METTL4: variants seen among roughly 807,000 people sequenced by gnomAD.
METTL4 encodes N(6)-adenine-specific methyltransferase METTL4.
METTL4 carries 40 observed loss-of-function variants against 54.0 expected under a neutral mutation model. That is an observed-to-expected ratio of 0.74 (90% CI 0.58 to 0.96). The LOEUF (loss-of-function observed/expected upper bound fraction) is 0.96. Ranked by LOEUF, METTL4 falls within the 50% of genes least tolerant of loss-of-function variation. The pLI is 0.00. For synonymous variants in METTL4, 169 were observed against 183.8 expected (o/e 0.92, Z 0.65); for missense variants, 525 against 549.0 (o/e 0.96, Z 0.44).
chr18:2,550,735 AAGAG>A, intron 5 of METTL4, among the ~76,000 whole-genome samples: 6 of 152,330 alleles, frequency 3.9e-5, no homozygotes, highest in Admixed American at 3.9e-4. Flanking sequence ...CAGTCAAAGA[AAGAG>A]AGTCAAAAGA....
chr18:2,568,940 A>T, intron 1 of METTL4: 4 of 227,192 alleles, frequency 1.8e-5, no homozygotes, highest in Admixed American at 1.6e-4. Context: ...CCTTTGTAAG[A>T]TGTGTAACAA....
At chr18:2,564,882 T>C (rs1273283037) in intron 2 of METTL4, among the ~76,000 whole-genome samples, 1 of 152,232 alleles carries the variant, frequency 6.6e-6, no homozygotes, top group African/African-American at 2.4e-5. Flanking sequence ...AGGCTTGTTA[T>C]TATCTGAATT....
Position 2,538,575 on chromosome 18 carries a change from A to C in METTL4, c.*425T>G, listed in dbSNP as rs2071943942. On this transcript the variant is annotated 3_prime_UTR_variant, in exon 9 of 9. Transcript: ENST00000574538. Reference sequence around the variant, plus strand: ...GGCCTCTGTGTAGCCAGAGCCTCTGATGTTTAAAAAGAAGCAGAAATCTGG... The same window carrying C: ...GGCCTCTGTGTAGCCAGAGCCTCTGCTGTTTAAAAAGAAGCAGAAATCTGG... The C allele has an allele frequency of 6.4e-6, 1 of 156,992 alleles. No individual in the cohort carries two copies. Among genetic ancestry groups the C allele is most frequent in the African/African-American group, 2.4e-5 (1 of 41,526 alleles). 9.7% of individuals were successfully genotyped at this position (156,992 alleles called of 1,614,324 possible).
chr18:2,566,853 T>C lies in METTL4; in HGVS notation c.364A>G (p.Lys122Glu). The change falls in exon 2 of 9, where the codon AAA becomes GAA. Residue 122 changes from lysine to glutamate, a missense_variant. Lys to Glu is a moderately conservative substitution (Grantham distance 56). Coordinates refer to ENST00000574538, the MANE Select transcript of METTL4 (RefSeq NM_022840.5). ...NEKEDLMNGV[K>E]KEISISIIGK... ...ATAATAGAAATGGAGATTTCTTTTTTAACACCATTCATCAGATCTTCCTTT... is the reference window on the plus strand; with the variant it reads ...ATAATAGAAATGGAGATTTCTTTTTCAACACCATTCATCAGATCTTCCTTT... The C allele has an allele frequency of 1.3e-6, 2 of 1,585,734 alleles. No individual in the cohort carries two copies.
chr18:2,563,487 AGAG>A (rs1465014989), intron 3 of METTL4, among the ~76,000 whole-genome samples: 1 of 151,278 alleles, frequency 6.6e-6, no homozygotes, highest in Non-Finnish European at 1.5e-5. Context: ...CCAGCTACTC[AGAG>A]GAGGCCAAGG....
chr18:2,554,666 T>TA lies in METTL4; in HGVS notation c.829+2dup. 1.3e-6 allele frequency: 2 copies of TA among 1,586,884 alleles called. No homozygotes were observed. The highest frequency in any genetic ancestry group is 1.7e-6 in the Non-Finnish European group (2 of 1,173,692). On this transcript the variant is annotated splice_region_variant and intron_variant, in intron 4 of 8. Coordinates refer to ENST00000574538, the MANE Select transcript of METTL4 (RefSeq NM_022840.5). ...TCTAATAACAAACACAATAATTACTTACAGTTTAGAAGTGGTTGCATACAA... is the reference window on the plus strand; with the variant it reads ...TCTAATAACAAACACAATAATTACTTAACAGTTTAGAAGTGGTTGCATACAA...
chr18:2,569,143 C>T (rs887363826), intron 1 of METTL4: 3 of 153,154 alleles, frequency 2.0e-5, no homozygotes, highest in South Asian at 2.1e-4. Context: ...AAACCATAGT[C>T]CCTTTTCCCC....
chr18:2,549,551 T>G (rs1181146063), intron 5 of METTL4, among the ~76,000 whole-genome samples: 1 of 152,148 alleles, frequency 6.6e-6, no homozygotes, highest in Non-Finnish European at 1.5e-5. Context: ...ATTCCTTAGT[T>G]GACTCCAATG....
chr18:2,540,092 A>G, intron 8 of METTL4: 1 of 977,912 alleles, frequency 1.0e-6, no homozygotes, highest in African/African-American at 1.7e-5. Context: ...TATTCAATGT[A>G]TTAATAACTA....
chr18:2,560,649 G>A (rs528984281), intron 3 of METTL4, among the ~76,000 whole-genome samples: 9 of 152,234 alleles, frequency 5.9e-5, no homozygotes, highest in Middle Eastern at 3.4e-3. Flanking sequence ...AGGCCGAGGC[G>A]GGCAGATCAT....
rs1322832141 is a variant in METTL4, at chr18:2,539,083, GTAAA to G, written c.1332_1335del (p.Leu445SerfsTer33). On this transcript the variant is annotated frameshift_variant, in exon 9 of 9. Transcript: ENST00000574538. LOFTEE classifies it high-confidence loss of function. The stretch of plus-strand genomic sequence containing the variant: ...TTGCCCCAACTAGTCCAACCTGGCT[GTAAA>G]TTTCGAGCAAACAACTCCAAATATT... The G allele has an allele frequency of 6.2e-7, 1 of 1,613,800 alleles. No individual in the cohort carries two copies. Among genetic ancestry groups the G allele is most frequent in the Non-Finnish European group, 8.5e-7 (1 of 1,179,762 alleles).
At chr18:2,540,178 CAG>C (rs1274849266) in intron 8 of METTL4, 2 of 985,192 alleles carry the variant, frequency 2.0e-6, no homozygotes, top group Non-Finnish European at 2.4e-6. Context: ...AAGAAGAACA[CAG>C]AAACTTTTTG....
chr18:2,541,963 T>C (rs2071998580), intron 8 of METTL4, among the ~76,000 whole-genome samples: 1 of 152,108 alleles, frequency 6.6e-6, no homozygotes, highest in African/African-American at 2.4e-5. Context: ...TGAACTATAC[T>C]AAAAATATAT....
chr18:2,555,610 A>G (rs1598350610), intron 3 of METTL4: 1 of 152,350 alleles, frequency 6.6e-6, no homozygotes, highest in Non-Finnish European at 1.5e-5. Flanking sequence ...CACAAAACAT[A>G]GCTTGAATTA....
chr18:2,565,286 A>C (rs541855381), intron 2 of METTL4, among the ~76,000 whole-genome samples: 2 of 152,214 alleles, frequency 1.3e-5, no homozygotes, highest in South Asian at 4.2e-4. Context: ...CTCAAAAAAA[A>C]AAAGGGGGAT....
At chr18:2,552,979 A>G (rs1201846164) in intron 4 of METTL4, 2 of 479,124 alleles carry the variant, frequency 4.2e-6, no homozygotes, top group Non-Finnish European at 7.4e-6. Context: ...AATGTTACCT[A>G]TTGCAATTGT....
chr18:2,543,087 G>A (rs145334079), intron 8 of METTL4, among the ~76,000 whole-genome samples: 1 of 139,234 alleles, frequency 7.2e-6, no homozygotes, highest in East Asian at 2.1e-4. Context: ...TCAGGCCACT[G>A]TATGTGACAG....
In METTL4 at chr18:2,537,927, C is replaced by A. The variant is rs2071934914; in HGVS notation, c.*1073G>T. The A allele has an allele frequency of 5.0e-6, 2 of 398,392 alleles. No homozygotes were observed. The highest frequency in any genetic ancestry group is 8.8e-5 in the Admixed American group (2 of 22,724). 24.7% of individuals were successfully genotyped at this position (398,392 alleles called of 1,614,324 possible). A position where few individuals can be genotyped will look rare whatever the true frequency, so the allele number is the denominator to read the frequency against. ...AAGGATAGGAGCAGGGGATTGACTG[C>A]AAAAGGAAAAATGAGAAGTTTTCAG... On this transcript the variant is annotated 3_prime_UTR_variant, in exon 9 of 9. Transcript: ENST00000574538.
chr18:2,540,822 T>C (rs2071984033), intron 8 of METTL4: 1 of 985,310 alleles, frequency 1.0e-6, no homozygotes, highest in African/African-American at 1.7e-5. Flanking sequence ...TTGTTTTTGT[T>C]TCATTTGTTC....
Sources: gnomAD v4.1 joint callset for allele counts (sites outside exome capture counted in the v4.1 genomes callset) on GRCh38, gnomAD v4.1.1 for gene constraint, MANE v1.5 for transcripts, NCBI Gene and HGNC (gene_info 2026-07-23, HGNC 2026-07-21) for gene names.